Variants in CCDC7 observed in about 807,000 individuals in gnomAD.
CCDC7 encodes coiled-coil domain-containing protein 7.
Under a neutral mutation model 196.9 loss-of-function variants are expected in CCDC7, and 183 were observed. That is an observed-to-expected ratio of 0.93 (90% CI 0.82 to 1.05). The LOEUF is 1.05. CCDC7 is among the 50% of genes least tolerant of loss of function. CCDC7 has a pLI of 0.00. For missense variants in CCDC7, 1,540 were observed against 1,482.2 expected, an observed-to-expected ratio of 1.04 and a Z score of -0.64; for synonymous variants, 525 against 484.6, an observed-to-expected ratio of 1.08 and a Z score of -1.10.
chr10:32,695,947 A>G (rs1402473333), intron 24 of CCDC7, among the ~76,000 whole-genome samples: 2 of 152,154 alleles, frequency 1.3e-5, no homozygotes, highest in African/African-American at 4.8e-5. Context: ...TGCCTTAAGC[A>G]AAAGGCCAGA....
chr10:32,711,581 G>C, intron 24 of CCDC7, 39 bp from the exon 26 acceptor site: 1 of 1,248,180 alleles, frequency 8.0e-7, no homozygotes, highest in Non-Finnish European at 1.1e-6. Flanking sequence ...TAGTAGATTT[G>C]TTTTTCTAGT....
At position 32,857,805 on chromosome 10, in the gene CCDC7, A is replaced by G. The variant is rs143920051; in HGVS notation, c.4111+3316A>G. Reference sequence around the variant, plus strand: ...CAGAATTAAATCGAATAGAGAATAGAAAAACTATAGAAAAAAAAATCAATA... The same window carrying G: ...CAGAATTAAATCGAATAGAGAATAGGAAAACTATAGAAAAAAAAATCAATA... On this transcript the variant is annotated intron_variant, in intron 41 of 41. Transcript: ENST00000639629. Among the ~76,000 whole-genome samples, 778 of 152,052 alleles carry G rather than the reference A, an allele frequency of 5.1e-3. 8 individuals are homozygous for G. Among genetic ancestry groups the G allele is most frequent in the African/African-American group, 0.017 (695 of 41,562 alleles).
At chr10:32,601,920 T>C (rs1179921174) in intron 18 of CCDC7, among the ~76,000 whole-genome samples, 1 of 152,092 alleles carries the variant, frequency 6.6e-6, no homozygotes, top group Non-Finnish European at 1.5e-5. Context: ...CAGCACTCTG[T>C]GAAATGGATC....
At chr10:32,744,822 T>C (rs1439076082) in intron 28 of CCDC7, among the ~76,000 whole-genome samples, 2 of 152,230 alleles carry the variant, frequency 1.3e-5, no homozygotes, top group Non-Finnish European at 2.9e-5. Context: ...TGAATTTTAA[T>C]TAAGTCCAGC....
At chr10:32,596,171 G>T (rs2060329697) in intron 18 of CCDC7, among the ~76,000 whole-genome samples, 3 of 152,042 alleles carry the variant, frequency 2.0e-5, no homozygotes, top group African/African-American at 7.2e-5. Flanking sequence ...TTATTGCGTG[G>T]TCTCTTTTTA....
intron 28 of CCDC7, among the ~76,000 whole-genome samples, chr10:32,762,646 G>T (rs2077636091): frequency 6.6e-6 from 1 of 151,148 alleles, no homozygotes; most frequent in South Asian, 2.1e-4. Context: ...AACAACTATG[G>T]TACTGGTATA....
chr10:32,807,887 T>C (rs2152504), intron 30 of CCDC7, among the ~76,000 whole-genome samples: 140,313 of 152,040 alleles, frequency 0.92, 65,750 homozygotes, highest in East Asian at 1. Flanking sequence ...TGCACCACCA[T>C]GCCCAGCTAA....
chr10:32,528,650 G>GTGTA (rs1554824534), intron 11 of CCDC7, among the ~76,000 whole-genome samples: 123 of 133,326 alleles, frequency 9.2e-4, no homozygotes, highest in South Asian at 1.4e-3. Flanking sequence ...GTGTGTGTGT[G>GTGTA]TATATATATA....
chr10:32,839,910 T>C (rs1378797170), intron 33 of CCDC7, among the ~76,000 whole-genome samples: 1 of 151,964 alleles, frequency 6.6e-6, no homozygotes, highest in East Asian at 1.9e-4. Context: ...GATCATTGGG[T>C]CAACAATGAA....
At chr10:32,466,379 G>A (rs1276499195) in intron 5 of CCDC7, among the ~76,000 whole-genome samples, 2 of 150,488 alleles carry the variant, frequency 1.3e-5, no homozygotes, top group Admixed American at 6.7e-5. Context: ...CACATATTAA[G>A]CCCAGTACCC....
chr10:32,674,404 C>A (rs72782254), intron 21 of CCDC7, among the ~76,000 whole-genome samples: 12,994 of 151,776 alleles, frequency 0.086, 873 homozygotes, highest in South Asian at 0.25. Context: ...TTCCATTTTT[C>A]TTTCATTACT....
chr10:32,490,902 T>A (rs1269072294), intron 8 of CCDC7, among the ~76,000 whole-genome samples: 1 of 152,238 alleles, frequency 6.6e-6, no homozygotes, highest in Non-Finnish European at 1.5e-5. Context: ...ATTTAATTCT[T>A]ACGAAGCTGG....
Position 32,455,684 on chromosome 10 carries a change from C to T in CCDC7, c.373-567C>T, listed in dbSNP as rs1304120855. 2.0e-5 allele frequency among the ~76,000 whole-genome samples: 3 copies of T among 152,194 alleles called. No homozygotes were observed. The East Asian group carries it at 5.8e-4, about 29-fold the overall frequency. ...GAGAACCACTCTATGAAAATCCTAA[C>T]TGTATATAAGCCTGTAATATTTGTT... is the stretch of plus-strand genomic sequence containing the variant. On this transcript the variant is annotated intron_variant, in intron 2 of 41. Coordinates refer to ENST00000639629, the Ensembl canonical transcript of CCDC7.
chr10:32,567,960 A>T, intron 15 of CCDC7, 69 bp downstream of exon 16: 1 of 1,402,850 alleles, frequency 7.1e-7, no homozygotes. Context: ...ATTATTATTT[A>T]CTTCATTTGT....
intron 41 of CCDC7, among the ~76,000 whole-genome samples, chr10:32,869,347 G>T (rs1219948039): frequency 1.3e-5 from 2 of 152,090 alleles, no homozygotes; most frequent in Non-Finnish European, 2.9e-5. Flanking sequence ...TCATGTGTCT[G>T]TTGGCTGCAT....
chr10:32,876,224 T>C, intron 41 of CCDC7, 123 bp from the exon 43 acceptor site: 1 of 681,314 alleles, frequency 1.5e-6, no homozygotes, highest in South Asian at 2.0e-5. Context: ...TATACTATTT[T>C]CCATTTTCAT....
chr10:32,571,771 AC>A, intron 15 of CCDC7, 87 bp from the exon 17 acceptor site: 15 of 1,238,658 alleles, frequency 1.2e-5, no homozygotes, highest in Non-Finnish European at 1.6e-5. Context: ...ATATTAAAAA[AC>A]TACCTTAAAT....
chr10:32,867,951 T>C (rs1472030153), intron 41 of CCDC7, among the ~76,000 whole-genome samples: 1 of 151,864 alleles, frequency 6.6e-6, no homozygotes, highest in Non-Finnish European at 1.5e-5. Flanking sequence ...CTGGCAACCA[T>C]CATTCTACTT....
intron 13 of CCDC7, among the ~76,000 whole-genome samples, chr10:32,560,042 C>T (rs925008559): frequency 3.4e-4 from 52 of 151,910 alleles, no homozygotes; most frequent in Admixed American, 3.2e-3. Context: ...CCTCAGGAGC[C>T]GATGTGATCA....
Sources: gnomAD v4.1 joint callset for allele counts (sites outside exome capture counted in the v4.1 genomes callset) on GRCh38, gnomAD v4.1.1 for gene constraint, MANE v1.5 for transcripts, NCBI Gene and HGNC (gene_info 2026-07-23, HGNC 2026-07-21) for gene names.